ATP10D: variants seen among roughly 807,000 people sequenced by gnomAD.
The protein encoded by ATP10D is ATPase phospholipid transporting 10D (putative), also known as phospholipid-transporting ATPase VD.
ATP10D carries 89 observed loss-of-function variants against 144.8 expected under a neutral mutation model. That is an observed-to-expected ratio of 0.61 (90% CI 0.52 to 0.73). The LOEUF (loss-of-function observed/expected upper bound fraction) is 0.73. Among genes scored for constraint, ATP10D ranks in the 30% least tolerant of loss-of-function variants. The pLI is 0.00. For missense variants in ATP10D, 1,603 were observed against 1,714.8 expected (o/e 0.93, Z 1.15); for synonymous variants, 571 against 615.1 (o/e 0.93, Z 1.06).
chr4:47,486,347 G>A (rs1478394792), intron 1 of ATP10D, among the ~76,000 whole-genome samples: 1 of 152,204 alleles, frequency 6.6e-6, no homozygotes, highest in Non-Finnish European at 1.5e-5. Context: ...TAAGACCAAA[G>A]TTTCTTCTTG....
chr4:47,550,986 A>G (rs1452471076), intron 10 of ATP10D, among the ~76,000 whole-genome samples: 1 of 152,268 alleles, frequency 6.6e-6, no homozygotes. Context: ...CAAAGAGGGT[A>G]GCCGTTGCCG....
chr4:47,506,370 T>C (rs1371252726), intron 1 of ATP10D, among the ~76,000 whole-genome samples: 1 of 152,204 alleles, frequency 6.6e-6, no homozygotes, highest in East Asian at 1.9e-4. Flanking sequence ...AAAGTGTTAG[T>C]ACTTACCAAG....
chr4:47,560,177 TAGGC>T, intron 13 of ATP10D: 1 of 152,226 alleles, frequency 6.6e-6, no homozygotes, highest in East Asian at 1.9e-4. Flanking sequence ...CAAGAATAAG[TAGGC>T]AGAGAGGGGA....
intron 5 of ATP10D, among the ~76,000 whole-genome samples, chr4:47,529,071 T>C (rs528629023): frequency 6.6e-6 from 1 of 152,310 alleles, no homozygotes; most frequent in African/African-American, 2.4e-5. Context: ...TTGCAAATAT[T>C]TCCTCCCATT....
chr4:47,588,819 T>G (rs1720902793), intron 22 of ATP10D, among the ~76,000 whole-genome samples: 2 of 152,202 alleles, frequency 1.3e-5, no homozygotes, highest in Admixed American at 1.3e-4. Flanking sequence ...AACAATTACT[T>G]AAAGGTTTTA....
intron 1 of ATP10D, among the ~76,000 whole-genome samples, chr4:47,504,044 G>A (rs371731474): frequency 2.1e-4 from 32 of 152,098 alleles, no homozygotes; most frequent in African/African-American, 7.0e-4. Context: ...TTTAGTTCAA[G>A]GTCACTTAAC....
intron 1 of ATP10D, among the ~76,000 whole-genome samples, chr4:47,498,822 C>T (rs1412350372): frequency 1.3e-5 from 2 of 152,192 alleles, no homozygotes; most frequent in Admixed American, 1.3e-4. Flanking sequence ...TCTCCTTTAT[C>T]TTCCTAATAA....
intron 18 of ATP10D, 105 bp downstream of exon 18, chr4:47,573,102 G>A: frequency 7.3e-7 from 1 of 1,362,782 alleles, no homozygotes; most frequent in Non-Finnish European, 1.0e-6. Flanking sequence ...TTTCCTTATT[G>A]ATGTATTGGG....
At chr4:47,585,150 TTA>T (rs1374015697) in intron 21 of ATP10D, among the ~76,000 whole-genome samples, 1 of 152,160 alleles carries the variant, frequency 6.6e-6, no homozygotes, top group South Asian at 2.1e-4. Flanking sequence ...TTTGATGCTA[TTA>T]TGTTTTATCA....
chr4:47,543,461 G>A (rs937163766), intron 9 of ATP10D, among the ~76,000 whole-genome samples: 15 of 152,162 alleles, frequency 9.9e-5, no homozygotes, highest in African/African-American at 3.4e-4. Context: ...ATTGTAAGAT[G>A]TTTAGAAGTA....
Position 47,569,012 on chromosome 4 carries a change from A to T in ATP10D, c.3029A>T (p.Glu1010Val), listed in dbSNP as rs1490991214. 1 of 1,614,100 alleles carries T rather than the reference A, an allele frequency of 6.2e-7. No individual in the cohort carries two copies. Among genetic ancestry groups the T allele is most frequent in the African/African-American group, 1.3e-5 (1 of 74,942 alleles). Residue 1010 changes from glutamate (E) to valine (V), a missense_variant, in exon 16 of 23, where the codon GAA becomes GTA. By Grantham distance (121) the Glu-to-Val change is moderately radical (BLOSUM62 -2). Coordinates refer to ENST00000273859, the MANE Select transcript of ATP10D (RefSeq NM_020453.4). ...TGKTLEFALQ[E>V]SLQKQFLELT... ...AAGACCCTGGAGTTTGCCCTGCAAGAAAGTCTGCAAAAGCAGTTCCTGGAA... is the reference window on the plus strand; with the variant it reads ...AAGACCCTGGAGTTTGCCCTGCAAGTAAGTCTGCAAAAGCAGTTCCTGGAA...
chr4:47,539,113 G>C (rs966506482), intron 9 of ATP10D, among the ~76,000 whole-genome samples: 1 of 152,072 alleles, frequency 6.6e-6, no homozygotes, highest in Admixed American at 6.5e-5. Context: ...TGTGCTTCCA[G>C]TGTCTCTTCT....
At chr4:47,559,979 G>C (rs942559489) in intron 13 of ATP10D, among the ~76,000 whole-genome samples, 1 of 151,524 alleles carries the variant, frequency 6.6e-6, no homozygotes, top group Admixed American at 6.6e-5. Flanking sequence ...CAGCCTGGAC[G>C]ACAGAGCAAA....
At chr4:47,554,272 A>G (rs1002104221) in intron 10 of ATP10D, among the ~76,000 whole-genome samples, 17 of 152,232 alleles carry the variant, frequency 1.1e-4, no homozygotes, top group Non-Finnish European at 2.2e-4. Flanking sequence ...GTTTTTTACA[A>G]TAGCAGTAAC....
At chr4:47,543,040 CCA>C (rs1397876808) in intron 9 of ATP10D, among the ~76,000 whole-genome samples, 1 of 152,074 alleles carries the variant, frequency 6.6e-6, no homozygotes, top group Non-Finnish European at 1.5e-5. Context: ...GTTTTACTTT[CCA>C]CAGTTTCAAT....
chr4:47,583,598 A>T (rs900290456), intron 21 of ATP10D, among the ~76,000 whole-genome samples: 2 of 152,220 alleles, frequency 1.3e-5, no homozygotes, highest in African/African-American at 4.8e-5. Context: ...GATTGTTTTT[A>T]TACCTATTCA....
At chr4:47,579,986 C>A (rs1247272389) in intron 19 of ATP10D, among the ~76,000 whole-genome samples, 3 of 152,088 alleles carry the variant, frequency 2.0e-5, no homozygotes, top group African/African-American at 4.8e-5. Context: ...GCAAAGAGGG[C>A]AGTTAGATGG....
At chr4:47,590,792 CTATT>C (rs758004002) in intron 22 of ATP10D, among the ~76,000 whole-genome samples, 7 of 151,958 alleles carry the variant, frequency 4.6e-5, no homozygotes, top group African/African-American at 1.7e-4. Context: ...TTTATAGATG[CTATT>C]TAGTTTTGCT....
In ATP10D at chr4:47,536,425, A is replaced by AT; in HGVS notation, c.1016-6dup. 6.2e-7 allele frequency: 1 copy of AT among 1,610,354 alleles called. No individual in the cohort carries two copies. The highest frequency in any genetic ancestry group is 8.5e-7 in the Non-Finnish European group (1 of 1,178,860). ...TTTAGCATCCTTTTGATGTCTGTGT[A>AT]TTTTTTGAAAGGTCATGGAATCTGG... is the stretch of plus-strand genomic sequence containing the variant. On this transcript the variant is annotated splice_polypyrimidine_tract_variant and intron_variant, in intron 7 of 22. Transcript: ENST00000273859.
Sources: gnomAD v4.1 joint callset for allele counts (sites outside exome capture counted in the v4.1 genomes callset) on GRCh38, gnomAD v4.1.1 for gene constraint, MANE v1.5 for transcripts, NCBI Gene and HGNC (gene_info 2026-07-23, HGNC 2026-07-21) for gene names.